Variants in HYDIN observed in about 807,000 individuals in gnomAD.
HYDIN encodes HYDIN axonemal central pair apparatus protein, also known as axonemal central pair apparatus protein HYDIN.
Under a neutral mutation model 403.9 loss-of-function variants are expected in HYDIN, and 132 were observed. The observed-to-expected ratio is 0.33, with a 90% CI of 0.28 to 0.38. The LOEUF is 0.38. Ranked by LOEUF, HYDIN falls within the 10% of genes least tolerant of loss-of-function variation. HYDIN has a pLI of 1.00. For missense variants in HYDIN, 2,827 were observed against 5,009.5 expected (o/e 0.56, Z 13.15); for synonymous variants, 1,202 against 1,891.7 (o/e 0.64, Z 9.46).
rs548345537 is a variant in HYDIN, at chr16:70,807,106, A to G, written c.*474T>C. 1.3e-5 allele frequency among the ~76,000 whole-genome samples: 2 copies of G among 152,358 alleles called. No homozygotes were observed. The highest frequency in any genetic ancestry group is 2.9e-5 in the Non-Finnish European group (2 of 68,032). ...TAATGTTATCTGCTCATCCCTCTGA[A>G]AATATTTATTTGGCTTTTATGTGAA... On this transcript the variant is annotated 3_prime_UTR_variant, in exon 86 of 86. Transcript: ENST00000393567.
At chr16:70,996,718 G>C (rs1365585859) in intron 23 of HYDIN, among the ~76,000 whole-genome samples, 2 of 150,916 alleles carry the variant, frequency 1.3e-5, no homozygotes, top group Non-Finnish European at 3.0e-5. Context: ...AGTCTTCATG[G>C]AGGAGGATAT....
At chr16:71,030,852 A>C (rs1820739347) in intron 19 of HYDIN, among the ~76,000 whole-genome samples, 1 of 152,048 alleles carries the variant, frequency 6.6e-6, no homozygotes, top group African/African-American at 2.4e-5. Context: ...AAGCCAATGG[A>C]AACCATCTCA....
intron 43 of HYDIN, among the ~76,000 whole-genome samples, chr16:70,939,427 T>G (rs1310436766): frequency 6.6e-6 from 1 of 152,204 alleles, no homozygotes; most frequent in East Asian, 1.9e-4. Flanking sequence ...AAATTTCTCC[T>G]GGTTAAATTG....
intron 25 of HYDIN, among the ~76,000 whole-genome samples, chr16:70,990,388 C>G (rs783746): frequency 1.2e-4 from 9 of 77,112 alleles, no homozygotes; most frequent in African/African-American, 1.6e-4. Context: ...GAGTGAGACT[C>G]TGCCTCAAAA....
chr16:71,070,771 C>T (rs1244184977), intron 13 of HYDIN, among the ~76,000 whole-genome samples: 3 of 130,294 alleles, frequency 2.3e-5, no homozygotes, highest in Admixed American at 8.1e-5. Flanking sequence ...TTGAACTCTG[C>T]TGTAATAAAA....
intron 1 of HYDIN, among the ~76,000 whole-genome samples, chr16:71,222,435 A>G (rs1215413805): frequency 6.6e-6 from 1 of 152,210 alleles, no homozygotes; most frequent in South Asian, 2.1e-4. Context: ...CAAGACAAGG[A>G]TGCCCACTTT....
rs1004653534 is a variant in HYDIN at position 70,805,276 on chromosome 16, C to T, written c.*2304G>A. On this transcript the variant is annotated 3_prime_UTR_variant, in exon 86 of 86. Transcript: ENST00000393567. ...AAGTAGCACTCTCAGCTGCAATGTG[C>T]ATGCAAATCGCCTGGAGGTCCATGA... Among the ~76,000 whole-genome samples, 1 of 152,176 alleles carries T rather than the reference C, an allele frequency of 6.6e-6. No homozygotes were observed. The highest frequency in any genetic ancestry group is 1.5e-5 in the Non-Finnish European group (1 of 68,034).
chr16:70,868,656 C>T lies in HYDIN; in HGVS notation c.11224G>A (p.Val3742Ile), dbSNP rs1798413. The T allele has an allele frequency of 6.2e-7, 1 of 1,614,120 alleles. No homozygotes were observed. Among genetic ancestry groups the T allele is most frequent in the Admixed American group, 1.7e-5 (1 of 60,020 alleles). Residue 3742 changes from valine (V) to isoleucine (I), a missense_variant, in exon 66 of 86, where the codon GTC becomes ATC. Coordinates refer to ENST00000393567, the MANE Select transcript of HYDIN (RefSeq NM_001270974.2). Reference sequence around the variant, plus strand: ...TGCATGCGGTCATCCCAGTCGGGGACCTGGTCTGCAGGGAGCTGAAACATA... The same window carrying T: ...TGCATGCGGTCATCCCAGTCGGGGATCTGGTCTGCAGGGAGCTGAAACATA... ...RIMFQLPADQ[V>I]PDWDDRMHTV...
chr16:71,077,833 T>A (rs1267387248), intron 13 of HYDIN, among the ~76,000 whole-genome samples: 3 of 151,576 alleles, frequency 2.0e-5, no homozygotes, highest in Non-Finnish European at 4.4e-5. Flanking sequence ...GTAGGTTTTT[T>A]CTATTTTTCA....
chr16:70,841,847 G>A (rs1173868952), intron 75 of HYDIN, among the ~76,000 whole-genome samples: 1 of 150,904 alleles, frequency 6.6e-6, no homozygotes, highest in Non-Finnish European at 1.5e-5. Flanking sequence ...ACTTCCCAGG[G>A]TCCAGAACCA....
chr16:70,961,373 C>T (rs2078414506), intron 38 of HYDIN, among the ~76,000 whole-genome samples: 1 of 151,884 alleles, frequency 6.6e-6, no homozygotes, highest in African/African-American at 2.4e-5. Flanking sequence ...GACTTAGCTC[C>T]CTAAAGATCT....
At chr16:70,919,563 A>G (rs1418838372) in intron 46 of HYDIN, among the ~76,000 whole-genome samples, 1 of 152,082 alleles carries the variant, frequency 6.6e-6, no homozygotes, top group African/African-American at 2.4e-5. Flanking sequence ...CCCAGGCTCT[A>G]GTCTCTACTT....
chr16:70,938,422 G>A (rs1388292321), intron 44 of HYDIN, among the ~76,000 whole-genome samples, 192 bp downstream of exon 44: 1 of 152,240 alleles, frequency 6.6e-6, no homozygotes, highest in Non-Finnish European at 1.5e-5. Flanking sequence ...GAGAAACCCT[G>A]AATGGTGCAG....
intron 4 of HYDIN, 83 bp from the exon 5 acceptor site, chr16:71,175,824 T>A: frequency 7.2e-7 from 1 of 1,396,520 alleles, no homozygotes; most frequent in Non-Finnish European, 1.0e-6. Context: ...AACTACTTAC[T>A]AGACGTGTGA....
At chr16:71,060,272 G>C (rs1468191080) in intron 18 of HYDIN, among the ~76,000 whole-genome samples, 2 of 152,144 alleles carry the variant, frequency 1.3e-5, no homozygotes, top group Admixed American at 1.3e-4. Context: ...TATTATAATA[G>C]ACATCCCTTG....
In HYDIN at chr16:71,064,689, G is replaced by A; in HGVS notation, c.2211+16C>T. ...TGGAAGAATAATTAATACTGAAGAAGGAGAAAGGAACTCACCTGAGGCTGG... is the reference window on the plus strand; with the variant it reads ...TGGAAGAATAATTAATACTGAAGAAAGAGAAAGGAACTCACCTGAGGCTGG... On this transcript the variant is annotated intron_variant, in intron 16 of 85. Coordinates refer to ENST00000393567, the MANE Select transcript of HYDIN (RefSeq NM_001270974.2). The A allele has an allele frequency of 6.2e-7, 1 of 1,606,524 alleles. No homozygotes were observed. The highest frequency in any genetic ancestry group is 8.5e-7 in the Non-Finnish European group (1 of 1,177,636).
intron 18 of HYDIN, among the ~76,000 whole-genome samples, chr16:71,040,292 G>A (rs114231585): frequency 1.1e-4 from 17 of 149,920 alleles, no homozygotes; most frequent in Middle Eastern, 3.5e-3. Context: ...CACTCCCTTC[G>A]TGAGTCCCAT....
chr16:70,887,701 T>G (rs957814736), intron 58 of HYDIN, among the ~76,000 whole-genome samples: 2 of 149,332 alleles, frequency 1.3e-5, no homozygotes, highest in South Asian at 4.4e-4. Context: ...TTTTTTTTTT[T>G]GAGGTGGAGT....
At chr16:71,190,710 G>A (rs531690793) in intron 1 of HYDIN, among the ~76,000 whole-genome samples, 25 of 152,200 alleles carry the variant, frequency 1.6e-4, no homozygotes, top group South Asian at 1.5e-3. Context: ...TGACAACACC[G>A]GAGTCCTCTA....
Sources: allele counts gnomAD v4.1 joint callset (sites outside exome capture counted in the v4.1 genomes callset), GRCh38; gene constraint gnomAD v4.1.1; transcripts MANE v1.5; gene names NCBI Gene and HGNC (gene_info 2026-07-23, HGNC 2026-07-21).